CNTNAP4: variants seen among roughly 807,000 people sequenced by gnomAD.
The protein encoded by CNTNAP4 is contactin-associated protein-like 4.
Under a neutral mutation model 148.4 loss-of-function variants are expected in CNTNAP4, and 98 were observed. That is an observed-to-expected ratio of 0.66 (90% CI 0.56 to 0.78). The LOEUF is 0.78. CNTNAP4 is among the 30% of genes least tolerant of loss of function. The pLI, the probability that CNTNAP4 is intolerant of heterozygous loss-of-function variation, is 0.00. For synonymous variants in CNTNAP4, 730 were observed against 565.1 expected, an observed-to-expected ratio of 1.29 and a Z score of -4.14; for missense variants, 1,935 against 1,565.6, an observed-to-expected ratio of 1.24 and a Z score of -3.98.
At chr16:76,475,830 T>C in intron 10 of CNTNAP4, 109 bp from the exon 11 acceptor site, 3 of 682,026 alleles carry the variant, frequency 4.4e-6, no homozygotes, top group Non-Finnish European at 7.8e-6. Flanking sequence ...GCATCATTAG[T>C]CATTATGTTA....
At chr16:76,542,909 T>C (rs1330561649) in intron 21 of CNTNAP4, among the ~76,000 whole-genome samples, 2 of 152,128 alleles carry the variant, frequency 1.3e-5, no homozygotes, top group Non-Finnish European at 2.9e-5. Flanking sequence ...CCACTGTGAG[T>C]AGAAATATAT....
intron 17 of CNTNAP4, among the ~76,000 whole-genome samples, chr16:76,529,402 G>A (rs555913709): frequency 6.6e-6 from 1 of 152,326 alleles, no homozygotes; most frequent in African/African-American, 2.4e-5. Context: ...TCCAGTCACT[G>A]CTGTTATCGT....
At chr16:76,366,241 C>T (rs943128708) in intron 3 of CNTNAP4, among the ~76,000 whole-genome samples, 1 of 152,108 alleles carries the variant, frequency 6.6e-6, no homozygotes. Context: ...GGTACTAAGC[C>T]TGGTACCCAA....
chr16:76,328,332 C>A (rs1963195624), intron 2 of CNTNAP4, among the ~76,000 whole-genome samples: 1 of 152,160 alleles, frequency 6.6e-6, no homozygotes, highest in Non-Finnish European at 1.5e-5. Flanking sequence ...TTAGACCTAC[C>A]TGAAGTATAG....
chr16:76,389,789 G>T (rs1312363286), intron 3 of CNTNAP4, among the ~76,000 whole-genome samples: 1 of 151,124 alleles, frequency 6.6e-6, no homozygotes, highest in Non-Finnish European at 1.5e-5. Flanking sequence ...ATGGGAACCC[G>T]ATCTCAGAAT....
At chr16:76,482,232 G>C (rs2081860100) in intron 12 of CNTNAP4, among the ~76,000 whole-genome samples, 1 of 151,990 alleles carries the variant, frequency 6.6e-6, no homozygotes, top group African/African-American at 2.4e-5. Context: ...ATCCAGGACT[G>C]ATTGTACAAG....
chr16:76,339,175 T>C (rs1964263572), intron 2 of CNTNAP4, among the ~76,000 whole-genome samples: 1 of 145,158 alleles, frequency 6.9e-6, no homozygotes, highest in Non-Finnish European at 1.5e-5. Context: ...CATTTAGAGA[T>C]TTTTAAAAGA....
rs370424600 is a variant in CNTNAP4, at chr16:76,329,852, TA to T, written c.196+13333del. Among the ~76,000 whole-genome samples, 15 of 152,328 alleles carry T rather than the reference TA, an allele frequency of 9.8e-5. No individual in the cohort carries two copies. The South Asian group carries it at 2.9e-3, about 29-fold the overall frequency. Reference sequence around the variant, plus strand: ...AGGCTATAAAAATATCTGACTGTATTAAAATGAAAAATAAGGTCAGAGACTG... The same window carrying T: ...AGGCTATAAAAATATCTGACTGTATTAAATGAAAAATAAGGTCAGAGACTG... On this transcript the variant is annotated intron_variant, in intron 2 of 23. Transcript: ENST00000611870.
At position 76,338,836 on chromosome 16, in the gene CNTNAP4, G is replaced by C. The variant is rs141762398; in HGVS notation, c.197-16482G>C. Among the ~76,000 whole-genome samples, 290 of 152,228 alleles carry C rather than the reference G, an allele frequency of 1.9e-3. 2 individuals carry two copies. Among genetic ancestry groups the C allele is most frequent in the African/African-American group, 6.8e-3 (282 of 41,548 alleles). The stretch of plus-strand genomic sequence containing the variant: ...GGTGGGGAAAAAAAATTTCCATTGT[G>C]TAAGATTATTGTGAAAATCAAACAA... On this transcript the variant is annotated intron_variant, in intron 2 of 23. Transcript: ENST00000611870.
intron 12 of CNTNAP4, among the ~76,000 whole-genome samples, chr16:76,484,601 G>A (rs550700108): frequency 2.8e-4 from 42 of 152,218 alleles, no homozygotes; most frequent in African/African-American, 9.9e-4. Context: ...AAGTGTAGGA[G>A]GTATAGCTTG....
At chr16:76,465,088 G>A (rs746545818) in intron 9 of CNTNAP4, among the ~76,000 whole-genome samples, 11 of 152,136 alleles carry the variant, frequency 7.2e-5, no homozygotes, top group Non-Finnish European at 1.6e-4. Context: ...CTACAGCACT[G>A]TGAAGTCTAA....
chr16:76,389,326 C>T (rs181281811), intron 3 of CNTNAP4, among the ~76,000 whole-genome samples: 8 of 152,280 alleles, frequency 5.3e-5, no homozygotes, highest in Non-Finnish European at 4.4e-5. Flanking sequence ...TTTGTATCTG[C>T]CTCTGAAACT....
intron 4 of CNTNAP4, among the ~76,000 whole-genome samples, chr16:76,428,522 T>C (rs1298151519): frequency 1.3e-5 from 2 of 152,112 alleles, no homozygotes; most frequent in African/African-American, 2.4e-5. Context: ...TCTGATTCAC[T>C]TTCTTTACAT....
intron 1 of CNTNAP4, among the ~76,000 whole-genome samples, chr16:76,299,331 G>A (rs140741243): frequency 6.3e-4 from 96 of 152,268 alleles, no homozygotes; most frequent in Admixed American, 2.8e-3. Context: ...ACAAATGGGC[G>A]AAGGATATGA....
intron 3 of CNTNAP4, among the ~76,000 whole-genome samples, chr16:76,394,277 G>A (rs1244637994): frequency 6.6e-6 from 1 of 152,124 alleles, no homozygotes; most frequent in East Asian, 1.9e-4. Context: ...GGTTTATTCT[G>A]TAAATCACAG....
chr16:76,336,509 C>G (rs1964041355), intron 2 of CNTNAP4, among the ~76,000 whole-genome samples: 1 of 151,986 alleles, frequency 6.6e-6, no homozygotes, highest in Admixed American at 6.5e-5. Context: ...ACTCATGAGC[C>G]AAAATATAAT....
chr16:76,497,390 G>A (rs2082434552), intron 14 of CNTNAP4, among the ~76,000 whole-genome samples: 1 of 151,868 alleles, frequency 6.6e-6, no homozygotes, highest in South Asian at 2.1e-4. Flanking sequence ...AGCAAACATT[G>A]AAATACAATA....
At chr16:76,412,226 A>G (rs2078824235) in intron 3 of CNTNAP4, among the ~76,000 whole-genome samples, 1 of 151,416 alleles carries the variant, frequency 6.6e-6, no homozygotes, top group Non-Finnish European at 1.5e-5. Context: ...AAAATATAGC[A>G]GTATTTAAAA....
At chr16:76,518,153 A>G (rs534527158) in intron 15 of CNTNAP4, among the ~76,000 whole-genome samples, 39 of 152,180 alleles carry the variant, frequency 2.6e-4, no homozygotes, top group Non-Finnish European at 4.9e-4. Flanking sequence ...TTTGATGCAG[A>G]GTCTCATTCT....
Sources: allele counts gnomAD v4.1 joint callset (sites outside exome capture counted in the v4.1 genomes callset), GRCh38; gene constraint gnomAD v4.1.1; transcripts MANE v1.5; gene names NCBI Gene and HGNC (gene_info 2026-07-23, HGNC 2026-07-21).